The following ARHGAP15 variants were observed in gnomAD, a reference collection of about 807,000 sequenced individuals.
ARHGAP15 encodes the protein Rho GTPase activating protein 15, also known as rho GTPase-activating protein 15.
In ARHGAP15, 51 loss-of-function variants were observed where a neutral mutation model predicts 63.7. The ratio of observed to expected loss-of-function variants is 0.80; its 90% CI spans 0.64 to 1.01. The LOEUF (loss-of-function observed/expected upper bound fraction) is 1.01, where lower values mean the gene tolerates loss of function less well. Ranked by LOEUF, ARHGAP15 falls within the 50% of genes least tolerant of loss-of-function variation. The probability of loss-of-function intolerance (pLI) is 0.00; values close to 1 mark genes in which losing one functional copy is unlikely to be tolerated. For synonymous variants in ARHGAP15, 191 were observed against 193.8 expected (o/e 0.99, Z 0.12); for missense variants, 560 against 564.6 (o/e 0.99, Z 0.08).
intron 2 of ARHGAP15, chr2:143,161,953 A>G (rs1690314974): frequency 6.6e-6 from 1 of 151,964 alleles, no homozygotes; most frequent in Non-Finnish European, 1.5e-5. Context: ...CTTTCATCTC[A>G]GGTCAATAAC....
chr2:143,472,270 C>T (rs933914362), intron 8 of ARHGAP15, among the ~76,000 whole-genome samples: 2 of 152,064 alleles, frequency 1.3e-5, no homozygotes, highest in Middle Eastern at 6.8e-3. Context: ...TAAAAGATTT[C>T]TATATATTTT....
intron 6 of ARHGAP15, among the ~76,000 whole-genome samples, chr2:143,341,868 T>C (rs1402098697): frequency 6.6e-6 from 1 of 152,186 alleles, no homozygotes; most frequent in East Asian, 1.9e-4. Flanking sequence ...CTGATTATTC[T>C]TAACTCTCAG....
intron 2 of ARHGAP15, among the ~76,000 whole-genome samples, chr2:143,192,615 C>G (rs751536022): frequency 5.9e-5 from 9 of 152,198 alleles, no homozygotes; most frequent in Non-Finnish European, 1.5e-5. Flanking sequence ...CAATCTATTC[C>G]TCTCCACGGG....
intron 10 of ARHGAP15, among the ~76,000 whole-genome samples, chr2:143,539,742 A>G (rs1694957173): frequency 6.6e-6 from 1 of 151,954 alleles, no homozygotes; most frequent in Non-Finnish European, 1.5e-5. Flanking sequence ...GTGGTCTGAG[A>G]GACAGTTTGT....
intron 13 of ARHGAP15, among the ~76,000 whole-genome samples, chr2:143,707,519 C>T (rs1293372188): frequency 1.3e-5 from 2 of 152,168 alleles, no homozygotes; most frequent in African/African-American, 4.8e-5. Flanking sequence ...GTGTATTAAT[C>T]AAGGCCTCTA....
At chr2:143,740,733 AC>A in intron 13 of ARHGAP15, among the ~76,000 whole-genome samples, 1 of 152,302 alleles carries the variant, frequency 6.6e-6, no homozygotes, top group South Asian at 2.1e-4. Context: ...TGTCAGTAGC[AC>A]AGAGCTATTT....
At chr2:143,306,240 C>T (rs751303448) in intron 6 of ARHGAP15, among the ~76,000 whole-genome samples, 1 of 151,992 alleles carries the variant, frequency 6.6e-6, no homozygotes, top group East Asian at 1.9e-4. Flanking sequence ...CATAGAAAGT[C>T]GTTCTGAGAC....
At chr2:143,682,012 G>T (rs986841515) in intron 12 of ARHGAP15, among the ~76,000 whole-genome samples, 15 of 152,144 alleles carry the variant, frequency 9.9e-5, no homozygotes, top group Admixed American at 2.0e-4. Flanking sequence ...CATGTGATAG[G>T]TATCTTCAGC....
intron 8 of ARHGAP15, among the ~76,000 whole-genome samples, chr2:143,453,940 G>A (rs151074704): frequency 1.3e-5 from 2 of 152,038 alleles, no homozygotes; most frequent in African/African-American, 2.4e-5. Flanking sequence ...TAACTCAAAT[G>A]GTCATATTGA....
intron 10 of ARHGAP15, among the ~76,000 whole-genome samples, chr2:143,528,545 A>G (rs1694380861): frequency 6.6e-6 from 1 of 152,028 alleles, no homozygotes; most frequent in Non-Finnish European, 1.5e-5. Context: ...TTGCTATTGG[A>G]TATTGATTTC....
intron 10 of ARHGAP15, among the ~76,000 whole-genome samples, chr2:143,540,243 C>T (rs1007362792): frequency 6.6e-6 from 1 of 152,140 alleles, no homozygotes; most frequent in Non-Finnish European, 1.5e-5. Flanking sequence ...GTAGATCTTC[C>T]TCCGTCCCTT....
At chr2:143,305,246 A>G (rs7575301) in intron 6 of ARHGAP15, 24,768 of 148,960 alleles carry the variant, frequency 0.17, 2,520 homozygotes, top group African/African-American at 0.3. Flanking sequence ...AAAACACTGC[A>G]AGTTCTAATA....
At chr2:143,273,837 T>C (rs1036856569) in intron 6 of ARHGAP15, among the ~76,000 whole-genome samples, 1 of 152,216 alleles carries the variant, frequency 6.6e-6, no homozygotes, top group African/African-American at 2.4e-5. Flanking sequence ...TATTTATTGC[T>C]AATTTATTTC....
intron 6 of ARHGAP15, among the ~76,000 whole-genome samples, chr2:143,289,624 G>A (rs1182081249): frequency 6.6e-6 from 1 of 152,176 alleles, no homozygotes; most frequent in Non-Finnish European, 1.5e-5. Flanking sequence ...CCACCCAGAT[G>A]TGCCCAGGAA....
At chr2:143,618,743 A>T (rs1345935731) in intron 11 of ARHGAP15, among the ~76,000 whole-genome samples, 1 of 152,212 alleles carries the variant, frequency 6.6e-6, no homozygotes, top group African/African-American at 2.4e-5. Flanking sequence ...GGTTGAGTCT[A>T]GTTAAAATTG....
chr2:143,227,615 T>C (rs939440713), intron 4 of ARHGAP15, among the ~76,000 whole-genome samples: 1 of 152,294 alleles, frequency 6.6e-6, no homozygotes, highest in East Asian at 1.9e-4. Flanking sequence ...CCTAGGTAAA[T>C]AGCACAGCAC....
chr2:143,487,906 T>C (rs71423273), intron 9 of ARHGAP15, among the ~76,000 whole-genome samples: 3 of 152,162 alleles, frequency 2.0e-5, no homozygotes, highest in Non-Finnish European at 4.4e-5. Flanking sequence ...GGATAAAAGG[T>C]TATCTGATCA....
At chr2:143,302,691 A>G (rs370143141) in intron 6 of ARHGAP15, among the ~76,000 whole-genome samples, 25 of 152,018 alleles carry the variant, frequency 1.6e-4, no homozygotes, top group African/African-American at 4.3e-4. Flanking sequence ...AGAAAGCTAA[A>G]CTAATATATT....
chr2:143,490,200 C>T (rs572843043), intron 9 of ARHGAP15, among the ~76,000 whole-genome samples: 6 of 152,038 alleles, frequency 3.9e-5, no homozygotes, highest in East Asian at 1.9e-4. Flanking sequence ...GGGGTTTCAC[C>T]GTGTTAGCCA....
Sources: allele counts gnomAD v4.1 joint callset (sites outside exome capture counted in the v4.1 genomes callset), GRCh38; gene constraint gnomAD v4.1.1; transcripts MANE v1.5; gene names NCBI Gene and HGNC (gene_info 2026-07-23, HGNC 2026-07-21).